ITGA9: variants seen among roughly 807,000 people sequenced by gnomAD.
The protein encoded by ITGA9 is integrin alpha-9.
Under a neutral mutation model 127.8 loss-of-function variants are expected in ITGA9, and 56 were observed. The ratio of observed to expected loss-of-function variants is 0.44; its 90% CI spans 0.35 to 0.55. The LOEUF (loss-of-function observed/expected upper bound fraction) is 0.55. Ranked by LOEUF, ITGA9 falls within the 20% of genes least tolerant of loss-of-function variation. The pLI is 0.00. For synonymous variants in ITGA9, 508 were observed against 514.5 expected (o/e 0.99, Z 0.17); for missense variants, 1,196 against 1,347.1 (o/e 0.89, Z 1.76).
chr3:37,468,805 A>G (rs1027600055), intron 1 of ITGA9, among the ~76,000 whole-genome samples: 4 of 152,222 alleles, frequency 2.6e-5, no homozygotes, highest in African/African-American at 9.6e-5. Context: ...ATTTCATGAT[A>G]CAGAAGAAAC....
chr3:37,747,879 C>T (rs1399110113), intron 22 of ITGA9, among the ~76,000 whole-genome samples: 5 of 152,068 alleles, frequency 3.3e-5, no homozygotes, highest in African/African-American at 1.2e-4. Context: ...GAGTTACACA[C>T]CACCACGCCT....
chr3:37,717,709 C>G (rs1701150010), intron 18 of ITGA9, among the ~76,000 whole-genome samples: 1 of 152,140 alleles, frequency 6.6e-6, no homozygotes, highest in Non-Finnish European at 1.5e-5. Flanking sequence ...CAGATCCCTC[C>G]TTAAATTCAA....
chr3:37,704,033 G>T (rs1700976373), intron 18 of ITGA9, among the ~76,000 whole-genome samples: 3 of 152,160 alleles, frequency 2.0e-5, no homozygotes, highest in African/African-American at 7.2e-5. Context: ...GTGCTCTAAT[G>T]CATCTTCTTT....
At chr3:37,772,840 C>T (rs1696860482) in intron 23 of ITGA9, among the ~76,000 whole-genome samples, 1 of 152,172 alleles carries the variant, frequency 6.6e-6, no homozygotes, top group Non-Finnish European at 1.5e-5. Flanking sequence ...CAGACTCAGT[C>T]CTCATTTCCC....
At chr3:37,739,465 C>G (rs1351977313) in intron 20 of ITGA9, among the ~76,000 whole-genome samples, 1 of 152,220 alleles carries the variant, frequency 6.6e-6, no homozygotes, top group African/African-American at 2.4e-5. Context: ...CGGAAAGATC[C>G]TTAAAGCTCC....
chr3:37,599,731 A>G (rs1356552267), intron 15 of ITGA9, among the ~76,000 whole-genome samples: 2 of 152,242 alleles, frequency 1.3e-5, no homozygotes, highest in Non-Finnish European at 2.9e-5. Flanking sequence ...AAACACTGAT[A>G]GAATCTATCT....
At chr3:37,780,291 G>A (rs1233881981) in intron 25 of ITGA9, among the ~76,000 whole-genome samples, 2 of 152,026 alleles carry the variant, frequency 1.3e-5, no homozygotes, top group Non-Finnish European at 2.9e-5. Context: ...TACCCAACAG[G>A]TAACTTTTCA....
intron 16 of ITGA9, among the ~76,000 whole-genome samples, chr3:37,646,282 A>G (rs2212022): frequency 0.58 from 88,954 of 152,118 alleles, 26,793 homozygotes; most frequent in African/African-American, 0.73. Context: ...GACTGAGACC[A>G]TATAGCCTAC....
At chr3:37,817,009 C>T (rs1201141394) in intron 27 of ITGA9, among the ~76,000 whole-genome samples, 3 of 152,312 alleles carry the variant, frequency 2.0e-5, no homozygotes, top group East Asian at 1.9e-4. Context: ...CAATAAACCC[C>T]CTTTAGGGAA....
intron 23 of ITGA9, among the ~76,000 whole-genome samples, chr3:37,752,161 GC>G (rs1324121094): frequency 6.6e-6 from 1 of 152,178 alleles, no homozygotes; most frequent in Non-Finnish European, 1.5e-5. Context: ...CTGTGGCTCC[GC>G]CCCTCCCTTG....
In ITGA9 at chr3:37,542,506, A is replaced by T. The variant is rs373668639; in HGVS notation, c.1610A>T (p.Glu537Val). The change falls in exon 15 of 28, where the codon GAG becomes GTG. Residue 537 changes from glutamate (E) to valine (V), a missense_variant. Coordinates refer to ENST00000264741, the MANE Select transcript of ITGA9 (RefSeq NM_002207.3). ...AGGGTCTACTTTGTGCTGCTGGGAGAGACCATGGGTCAGGTCACAGAGAAG... is the reference window on the plus strand; with the variant it reads ...AGGGTCTACTTTGTGCTGCTGGGAGTGACCATGGGTCAGGTCACAGAGAAG... ...MPRVYFVLLGETMGQVTEKLQ... is the reference protein window; with the variant it reads ...MPRVYFVLLGVTMGQVTEKLQ... 15 of 1,614,108 alleles carry T rather than the reference A, an allele frequency of 9.3e-6. No homozygotes were observed. In the African/African-American group the frequency reaches 1.7e-4, roughly 19 times the overall value.
At chr3:37,549,962 A>G (rs185569) in intron 15 of ITGA9, among the ~76,000 whole-genome samples, 67,581 of 152,132 alleles carry the variant, frequency 0.44, 15,910 homozygotes, top group East Asian at 0.72. Flanking sequence ...GAATTCCCAT[A>G]ATATTCAGGT....
At chr3:37,505,733 A>G (rs78967175) in intron 6 of ITGA9, among the ~76,000 whole-genome samples, 1 of 152,112 alleles carries the variant, frequency 6.6e-6, no homozygotes, top group South Asian at 2.1e-4. Flanking sequence ...AAAGAAGAAA[A>G]CAGATATATA....
chr3:37,627,769 T>A (rs1024358614), intron 15 of ITGA9, among the ~76,000 whole-genome samples: 2 of 151,926 alleles, frequency 1.3e-5, no homozygotes, highest in Admixed American at 1.3e-4. Flanking sequence ...AGGGCATCCA[T>A]ATAGTGACAT....
intron 20 of ITGA9, among the ~76,000 whole-genome samples, chr3:37,737,919 C>T (rs1696383384): frequency 6.6e-6 from 1 of 152,150 alleles, no homozygotes; most frequent in Non-Finnish European, 1.5e-5. Flanking sequence ...GTGAAAGTTG[C>T]AGAAATCATG....
intron 13 of ITGA9, among the ~76,000 whole-genome samples, chr3:37,526,674 C>T (rs1405549513): frequency 1.3e-5 from 2 of 152,270 alleles, no homozygotes; most frequent in Non-Finnish European, 2.9e-5. Context: ...CCCGTGAACC[C>T]TCTCCAAGTA....
intron 8 of ITGA9, among the ~76,000 whole-genome samples, chr3:37,511,314 A>C (rs1698902250): frequency 6.6e-6 from 1 of 152,214 alleles, no homozygotes; most frequent in Non-Finnish European, 1.5e-5. Flanking sequence ...ACATCTCCAC[A>C]TTTCCAGGCT....
chr3:37,519,648 C>G (rs1442112324), intron 11 of ITGA9, among the ~76,000 whole-genome samples: 1 of 152,224 alleles, frequency 6.6e-6, no homozygotes, highest in Non-Finnish European at 1.5e-5. Context: ...GAAGCTTTCT[C>G]TTTTTGGTGA....
intron 27 of ITGA9, among the ~76,000 whole-genome samples, chr3:37,810,219 C>T (rs1483329220): frequency 1.3e-5 from 2 of 152,302 alleles, no homozygotes; most frequent in African/African-American, 2.4e-5. Context: ...AAACGTGAAT[C>T]GTGACATGGT....
Sources: gnomAD v4.1 joint callset for allele counts (sites outside exome capture counted in the v4.1 genomes callset) on GRCh38, gnomAD v4.1.1 for gene constraint, MANE v1.5 for transcripts, NCBI Gene and HGNC (gene_info 2026-07-23, HGNC 2026-07-21) for gene names.